The following SERINC4 variants were observed in gnomAD, a reference collection of about 807,000 sequenced individuals.
SERINC4 encodes serine incorporator 4.
In SERINC4, 52 loss-of-function variants were observed where a neutral mutation model predicts 52.0. The observed-to-expected ratio is 1.00, with a 90% confidence interval of 0.80 to 1.26. The LOEUF (loss-of-function observed/expected upper bound fraction) is 1.26. SERINC4 is among the 50% of genes most tolerant of loss of function. SERINC4 has a pLI of 0.00. For missense variants in SERINC4, 723 were observed against 632.8 expected (o/e 1.14, Z -1.53); for synonymous variants, 264 against 247.7 (o/e 1.07, Z -0.62).
In SERINC4 at chr15:43,800,046, G is replaced by A; in HGVS notation, c.-60C>T. 1 of 1,286,746 alleles carries A rather than the reference G, an allele frequency of 7.8e-7. No homozygotes were observed. Among genetic ancestry groups the A allele is most frequent in the African/African-American group, 1.5e-5 (1 of 67,406 alleles). The allele number at this position is 1,286,746 out of a possible 1,614,324, so 79.7% of individuals were successfully genotyped here. A position where few individuals can be genotyped will look rare whatever the true frequency, so the allele number is the denominator to read the frequency against. On this transcript the variant is annotated 5_prime_UTR_variant, in exon 1 of 12. Coordinates refer to ENST00000319327, the MANE Select transcript of SERINC4 (RefSeq NM_001258031.2). ...TGGAAGGCAGATGAGAGCAGCAGTT[G>A]CTTCTGTCCTCAGCCCATTGGACTG...
At position 43,798,495 on chromosome 15, in the gene SERINC4, G is replaced by A. The variant is rs1286083818; in HGVS notation, c.468C>T (p.Leu156=). Reference sequence around the variant, plus strand: ...GACCTAACAGGAACAGCAGCTTGAGGAGCCAGAAGCTGGTTAGGAGGGAGA... The same window carrying A: ...GACCTAACAGGAACAGCAGCTTGAGAAGCCAGAAGCTGGTTAGGAGGGAGA... The part of the protein sequence containing the change: ...PRAQLHNSFW[L]LKLLFLLGLC... The change falls in exon 4 of 12, where the codon CTC becomes CTT. Residue 156 remains leucine, a synonymous_variant. Transcript: ENST00000319327. 2 of 1,613,338 alleles carry A rather than the reference G, an allele frequency of 1.2e-6. No homozygotes were observed. Among genetic ancestry groups the A allele is most frequent in the South Asian group, 1.1e-5 (1 of 91,060 alleles).
rs571690410 is a variant in SERINC4, at chr15:43,799,292, C to T, written c.279+18G>A. On this transcript the variant is annotated intron_variant, in intron 2 of 11. Transcript: ENST00000319327. ...TTTTATCTCTTCCCACCTGACAACC[C>T]GACCCCCTCTCACTTACCCTGTGTG... 13 of 1,547,366 alleles carry T rather than the reference C, an allele frequency of 8.4e-6. No individual in the cohort carries two copies. The highest frequency in any genetic ancestry group is 2.4e-5 in the South Asian group (2 of 83,958).
chr15:43,797,141 C>T lies in SERINC4; in HGVS notation c.844+4G>A. 6.4e-7 allele frequency: 1 copy of T among 1,551,040 alleles called. No individual in the cohort carries two copies. Among genetic ancestry groups the T allele is most frequent in the Non-Finnish European group, 8.7e-7 (1 of 1,146,874 alleles). On this transcript the variant is annotated splice_donor_region_variant and intron_variant, in intron 6 of 11. Coordinates refer to ENST00000319327, the MANE Select transcript of SERINC4 (RefSeq NM_001258031.2). ...ACCTGGAATGCTGTAGGACATGTACCCACTGAGGCGGATGCAAGGAGCGAT... is the reference window on the plus strand; with the variant it reads ...ACCTGGAATGCTGTAGGACATGTACTCACTGAGGCGGATGCAAGGAGCGAT...
Position 43,795,040 on chromosome 15 carries a change from TGGCGGC to T in SERINC4, c.1511_1516del (p.Arg504_Arg505del), listed in dbSNP as rs369518718. ...TTTGTTATCTGGGGATATGATGCGGTGGCGGCGGCGCCTCAAGATAAGGGGCTGGGG... is the reference window on the plus strand; with the variant it reads ...TTTGTTATCTGGGGATATGATGCGGTGGCGCCTCAAGATAAGGGGCTGGGG... On this transcript the variant is annotated inframe_deletion, in exon 12 of 12. Coordinates refer to ENST00000319327, the MANE Select transcript of SERINC4 (RefSeq NM_001258031.2). The T allele has an allele frequency of 2.2e-5, 36 of 1,601,156 alleles. No individual in the cohort carries two copies. The African/African-American group carries it at 3.2e-4, about 14-fold the overall frequency.
At chr15:43,795,923 T>G in intron 9 of SERINC4, 187 bp from the exon 10 acceptor site, 1 of 658,068 alleles carries the variant, frequency 1.5e-6, no homozygotes, top group Non-Finnish European at 2.6e-6. Flanking sequence ...TGTGCCTCGA[T>G]TTCTCCATTT....
chr15:43,796,860 G>T lies in SERINC4; in HGVS notation c.925C>A (p.Arg309Ser). 6.2e-7 allele frequency: 1 copy of T among 1,613,974 alleles called. No homozygotes were observed. Among genetic ancestry groups the T allele is most frequent in the Non-Finnish European group, 8.5e-7 (1 of 1,179,888 alleles). The change falls in exon 7 of 12, where the codon CGT becomes AGT. Residue 309 changes from arginine to serine, a missense_variant. By Grantham distance (110) the Arg-to-Ser change is moderately radical (BLOSUM62 -1). Transcript: ENST00000319327. ...MYLTFSALSSRPPERVILQGQ... is the reference protein window; with the variant it reads ...MYLTFSALSSSPPERVILQGQ... ...TGTCCCTTACCTCTCTCTGGAGGACGGCTGGACAGTGCAGAGAAAGTCAGA... is the reference window on the plus strand; with the variant it reads ...TGTCCCTTACCTCTCTCTGGAGGACTGCTGGACAGTGCAGAGAAAGTCAGA...
rs770602850 is a variant in SERINC4 at position 43,799,291 on chromosome 15, C to T, written c.279+19G>A. The T allele has an allele frequency of 5.2e-6, 8 of 1,547,560 alleles. No homozygotes were observed. Among genetic ancestry groups the T allele is most frequent in the Non-Finnish European group, 7.0e-6 (8 of 1,144,212 alleles). On this transcript the variant is annotated intron_variant, in intron 2 of 11. Coordinates refer to ENST00000319327, the MANE Select transcript of SERINC4 (RefSeq NM_001258031.2). ...CTTTTATCTCTTCCCACCTGACAAC[C>T]CGACCCCCTCTCACTTACCCTGTGT...
rs760566297 is a variant in SERINC4, at chr15:43,798,048, TG to T, written c.539-36del. 104 of 1,531,960 alleles carry T rather than the reference TG, an allele frequency of 6.8e-5. No individual in the cohort carries two copies. In the African/African-American group the frequency reaches 1.1e-3, roughly 16 times the overall value. 94.9% of individuals were successfully genotyped at this position (1,531,960 alleles called of 1,614,324 possible). On this transcript the variant is annotated intron_variant, in intron 4 of 11. Transcript: ENST00000319327. ...GGGCACCAGTGGAAAAATGTCAAAT[TG>T]TTACTTTTTTTTTTTTTTGAGACAG...
Position 43,799,962 on chromosome 15 carries a change from T to C in SERINC4, c.25A>G (p.Ser9Gly), listed in dbSNP as rs1410728162. The change falls in exon 1 of 12, where the codon AGC becomes GGC. Residue 9 changes from serine (S) to glycine (G), a missense_variant. Transcript: ENST00000319327. Reference protein sequence around the residue: MVGAKAGPSPGTSLGLAQQ... With the variant: MVGAKAGPGPGTSLGLAQQ... ...GCCAGGCCCAGGGAGGTGCCGGGGCTGGGGCCGGCCTTGGCACCCACCATC... is the reference window on the plus strand; with the variant it reads ...GCCAGGCCCAGGGAGGTGCCGGGGCCGGGGCCGGCCTTGGCACCCACCATC... The C allele has an allele frequency of 6.5e-7, 1 of 1,546,704 alleles. No homozygotes were observed. The highest frequency in any genetic ancestry group is 2.0e-5 in the Admixed American group (1 of 49,994).
chr15:43,795,269 G>T (rs2141687642), intron 11 of SERINC4, 56 bp from the exon 12 acceptor site: 1 of 1,594,476 alleles, frequency 6.3e-7, no homozygotes, highest in African/African-American at 1.3e-5. Context: ...TTTTAGACCT[G>T]TTCTACCTCC....
Position 43,796,153 on chromosome 15 carries a change from A to G in SERINC4, c.1140+2T>C. On this transcript the variant is annotated splice_donor_variant, in intron 9 of 11. Coordinates refer to ENST00000319327, the MANE Select transcript of SERINC4 (RefSeq NM_001258031.2). LOFTEE classifies it high-confidence loss of function. ...TGGGGATATGGAGCTCTTTATCCTC[A>G]CCTGAAACTCATAGCTGTAAACCTT... 6.2e-7 allele frequency: 1 copy of G among 1,610,884 alleles called. No homozygotes were observed. Among genetic ancestry groups the G allele is most frequent in the Non-Finnish European group, 8.5e-7 (1 of 1,177,064 alleles).
intron 6 of SERINC4, 97 bp from the exon 7 acceptor site, chr15:43,797,037 T>G: frequency 1.4e-6 from 2 of 1,441,352 alleles, no homozygotes; most frequent in Non-Finnish European, 1.9e-6. Context: ...TTGGTGGGGA[T>G]AGGGAAGCAG....
chr15:43,795,137 A>C lies in SERINC4; in HGVS notation c.1420T>G (p.Trp474Gly), dbSNP rs1158407308. ...ATFWVKVASC[W>G]ACVLLYLGLL... ...CCCAGATAGAGGAGTACGCAGGCCC[A>C]GCATGAGGCAACCTTGACCCAGAAG... Residue 474 changes from tryptophan to glycine, a missense_variant, in exon 12 of 12, where the codon TGG becomes GGG. Coordinates refer to ENST00000319327, the MANE Select transcript of SERINC4 (RefSeq NM_001258031.2). The C allele has an allele frequency of 2.5e-6, 4 of 1,614,182 alleles. No individual in the cohort carries two copies. The South Asian group carries it at 4.4e-5, about 18-fold the overall frequency.
chr15:43,799,999 G>C lies in SERINC4; in HGVS notation c.-13C>G. The stretch of plus-strand genomic sequence containing the variant: ...TGGCACCCACCATCCTTGTCCCAGG[G>C]ATTAGGCTTAGGTCCACCAGATGGA... On this transcript the variant is annotated 5_prime_UTR_variant, in exon 1 of 12. In the 5' UTR this introduces an upstream ATG that the reference lacks. Transcript: ENST00000319327. 6.6e-7 allele frequency: 1 copy of C among 1,517,680 alleles called. No homozygotes were observed. The highest frequency in any genetic ancestry group is 1.4e-5 in the African/African-American group (1 of 71,976). The allele number at this position is 1,517,680 out of a possible 1,614,324, so 94.0% of individuals were successfully genotyped here.
chr15:43,796,461 G>T (rs1181716189), intron 8 of SERINC4, 155 bp downstream of exon 8: 8 of 840,614 alleles, frequency 9.5e-6, no homozygotes, highest in Non-Finnish European at 7.6e-6. Context: ...ATCTGACAAA[G>T]TACTATTCTT....
In SERINC4 at chr15:43,794,970, G is replaced by A. The variant is rs1480953146; in HGVS notation, c.*30C>T. The A allele has an allele frequency of 1.3e-6, 2 of 1,563,430 alleles. No homozygotes were observed. Among genetic ancestry groups the A allele is most frequent in the South Asian group, 1.1e-5 (1 of 87,118 alleles). ...CTTGAGCCAACTCTAGGAGTACAATGTCAGGGGAACCCCAGTTTGTGAAAA... is the reference window on the plus strand; with the variant it reads ...CTTGAGCCAACTCTAGGAGTACAATATCAGGGGAACCCCAGTTTGTGAAAA... On this transcript the variant is annotated 3_prime_UTR_variant, in exon 12 of 12. Transcript: ENST00000319327.
intron 3 of SERINC4, 61 bp downstream of exon 3, chr15:43,798,898 A>G: frequency 6.6e-7 from 1 of 1,506,872 alleles, no homozygotes; most frequent in Non-Finnish European, 9.0e-7. Context: ...AATTTCCTTT[A>G]CCCAGCCTAT....
chr15:43,796,369 A>T (rs755475032), intron 8 of SERINC4, 142 bp from the exon 9 acceptor site: 29 of 753,428 alleles, frequency 3.8e-5, no homozygotes, highest in Non-Finnish European at 6.2e-5. Context: ...TTAGAATTCT[A>T]TTCATGTGAG....
At chr15:43,797,722 A>G in intron 5 of SERINC4, 198 bp downstream of exon 5, 1 of 567,770 alleles carries the variant, frequency 1.8e-6, no homozygotes, top group South Asian at 2.1e-5. Context: ...ATTACCAACT[A>G]CTCCCCTGCT....
Sources: allele counts gnomAD v4.1 joint callset, GRCh38; gene constraint gnomAD v4.1.1; transcripts MANE v1.5; gene names NCBI Gene and HGNC (gene_info 2026-07-23, HGNC 2026-07-21).